The following RETREG1 variants were observed in gnomAD, a reference collection of about 807,000 sequenced individuals.
RETREG1 encodes family with sequence similarity 134 member B.
Under a neutral mutation model 54.8 loss-of-function variants are expected in RETREG1, and 44 were observed. That is an observed-to-expected ratio of 0.80 (90% confidence interval 0.63 to 1.03). RETREG1 has a LOEUF of 1.03. RETREG1 is among the 50% of genes least tolerant of loss of function. The pLI is 0.00. For synonymous variants in RETREG1, 217 were observed against 238.5 expected (o/e 0.91, Z 0.83); for missense variants, 554 against 605.1 (o/e 0.92, Z 0.89).
chr5:16,515,565 C>T (rs961740491), intron 3 of RETREG1, among the ~76,000 whole-genome samples: 1 of 152,158 alleles, frequency 6.6e-6, no homozygotes, highest in African/African-American at 2.4e-5. Flanking sequence ...CTAGCAATAA[C>T]TCACTTGTCA....
At chr5:16,488,885 C>A (rs370838771) in intron 3 of RETREG1, among the ~76,000 whole-genome samples, 1 of 151,990 alleles carries the variant, frequency 6.6e-6, no homozygotes, top group Non-Finnish European at 1.5e-5. Context: ...GAGATCGAGA[C>A]CATCTTGCCC....
At chr5:16,527,089 C>G (rs532041383) in intron 3 of RETREG1, among the ~76,000 whole-genome samples, 1 of 152,238 alleles carries the variant, frequency 6.6e-6, no homozygotes, top group Non-Finnish European at 1.5e-5. Context: ...TCCAGTGCTG[C>G]TTCCTTTACC....
At chr5:16,499,443 T>C (rs1486592036) in intron 3 of RETREG1, among the ~76,000 whole-genome samples, 1 of 152,218 alleles carries the variant, frequency 6.6e-6, no homozygotes, top group African/African-American at 2.4e-5. Context: ...CATAAACACA[T>C]TCATAACCCC....
At chr5:16,590,879 A>G (rs1742749896) in intron 1 of RETREG1, among the ~76,000 whole-genome samples, 1 of 43,806 alleles carries the variant, frequency 2.3e-5, no homozygotes, top group East Asian at 4.5e-4. Flanking sequence ...GCAAACATAC[A>G]CACACACGCA....
intron 3 of RETREG1, among the ~76,000 whole-genome samples, chr5:16,558,555 T>C (rs956113541): frequency 6.6e-6 from 1 of 152,260 alleles, no homozygotes; most frequent in Non-Finnish European, 1.5e-5. Flanking sequence ...TCTCTGTCTA[T>C]AGTTGTGACT....
At chr5:16,600,547 T>C (rs1240575807) in intron 1 of RETREG1, among the ~76,000 whole-genome samples, 1 of 152,224 alleles carries the variant, frequency 6.6e-6, no homozygotes, top group Admixed American at 6.5e-5. Flanking sequence ...ATCATCTCCC[T>C]GGCACAGCTC....
intron 1 of RETREG1, among the ~76,000 whole-genome samples, chr5:16,587,633 G>C (rs1253526582): frequency 6.6e-6 from 1 of 152,154 alleles, no homozygotes; most frequent in Non-Finnish European, 1.5e-5. Context: ...CAATATACCT[G>C]ACCCTGTCCA....
chr5:16,566,213 A>G (rs1742009078), intron 2 of RETREG1, among the ~76,000 whole-genome samples: 1 of 152,216 alleles, frequency 6.6e-6, no homozygotes, highest in Non-Finnish European at 1.5e-5. Flanking sequence ...AAAAAGCGCC[A>G]ATAATAGAAA....
At chr5:16,599,633 G>A (rs1742996414) in intron 1 of RETREG1, among the ~76,000 whole-genome samples, 1 of 152,140 alleles carries the variant, frequency 6.6e-6, no homozygotes, top group Non-Finnish European at 1.5e-5. Context: ...ACGGTGCTGG[G>A]ATACATGCCT....
At chr5:16,555,115 G>A (rs1272112568) in intron 3 of RETREG1, among the ~76,000 whole-genome samples, 1 of 152,090 alleles carries the variant, frequency 6.6e-6, no homozygotes, top group Non-Finnish European at 1.5e-5. Flanking sequence ...TCACTAACTA[G>A]AATATAAACT....
At chr5:16,513,150 A>T (rs1445039827) in intron 3 of RETREG1, among the ~76,000 whole-genome samples, 1 of 152,186 alleles carries the variant, frequency 6.6e-6, no homozygotes, top group Admixed American at 6.5e-5. Flanking sequence ...ACTGGGTCAA[A>T]TTAGAAACTG....
chr5:16,474,687 TTGTTTGAAA>T lies in RETREG1; in HGVS notation c.*45_*53del, dbSNP rs1738443198. On this transcript the variant is annotated 3_prime_UTR_variant, in exon 9 of 9. Coordinates refer to ENST00000306320, the MANE Select transcript of RETREG1 (RefSeq NM_001034850.3). Reference sequence around the variant, plus strand: ...TCTTTTCCTTTTTTTTTTTTTTTTCTTGTTTGAAATTTTTTTGGTGTTTTTTGTGCTCTG... The same window carrying T: ...TCTTTTCCTTTTTTTTTTTTTTTTCTTTTTTTTGGTGTTTTTTGTGCTCTG... 6.5e-7 allele frequency: 1 copy of T among 1,534,760 alleles called. No homozygotes were observed. The highest frequency in any genetic ancestry group is 8.8e-7 in the Non-Finnish European group (1 of 1,141,558).
chr5:16,539,999 T>C (rs1741194387), intron 3 of RETREG1, among the ~76,000 whole-genome samples: 1 of 152,222 alleles, frequency 6.6e-6, no homozygotes, highest in African/African-American at 2.4e-5. Flanking sequence ...TCCTCTAAAA[T>C]ATAAAGCTTA....
chr5:16,508,925 TGCCCAGCTGCCCCGCATTCTCTC>T, intron 3 of RETREG1: 2 of 1,200,246 alleles, frequency 1.7e-6, no homozygotes, highest in Non-Finnish European at 2.1e-6. Context: ...AAGTGAGCCC[TGCCCAGCTGCCCCGCATTCTCTC>T]TCCAGTCCTG....
chr5:16,614,600 T>C (rs1265255213), intron 1 of RETREG1, among the ~76,000 whole-genome samples: 1 of 150,612 alleles, frequency 6.6e-6, no homozygotes, highest in Non-Finnish European at 1.5e-5. Context: ...AGGAGCTGCA[T>C]GCAATATGGT....
intron 3 of RETREG1, among the ~76,000 whole-genome samples, chr5:16,519,374 T>A (rs879785820): frequency 1.3e-5 from 2 of 152,190 alleles, no homozygotes; most frequent in Non-Finnish European, 1.5e-5. Context: ...ATGGTATCAA[T>A]CCCTGCAAAG....
chr5:16,542,534 AC>A, intron 3 of RETREG1, among the ~76,000 whole-genome samples: 1 of 152,332 alleles, frequency 6.6e-6, no homozygotes, highest in Middle Eastern at 3.4e-3. Flanking sequence ...TTTATGACAT[AC>A]AAACAACGCA....
At chr5:16,530,808 G>T (rs576098862) in intron 3 of RETREG1, among the ~76,000 whole-genome samples, 1 of 152,174 alleles carries the variant, frequency 6.6e-6, no homozygotes, top group African/African-American at 2.4e-5. Context: ...AGGAGGCGGA[G>T]GTTGCAGTGG....
intron 1 of RETREG1, among the ~76,000 whole-genome samples, chr5:16,603,488 C>T (rs1579723824): frequency 1.3e-5 from 2 of 152,284 alleles, no homozygotes; most frequent in South Asian, 4.1e-4. Flanking sequence ...ACAGGAAAGA[C>T]TAATGACAGG....
Sources: allele counts gnomAD v4.1 joint callset (sites outside exome capture counted in the v4.1 genomes callset), GRCh38; gene constraint gnomAD v4.1.1; transcripts MANE v1.5; gene names NCBI Gene and HGNC (gene_info 2026-07-23, HGNC 2026-07-21).